ANKRD39: variants seen among roughly 807,000 people sequenced by gnomAD.
The protein encoded by ANKRD39 is ankyrin repeat domain 39, also known as ankyrin repeat domain-containing protein 39.
ANKRD39 carries 18 observed loss-of-function variants against 20.3 expected under a neutral mutation model. The ratio of observed to expected loss-of-function variants is 0.89; its 90% CI spans 0.61 to 1.32. ANKRD39 has a LOEUF of 1.32. Ranked by LOEUF, ANKRD39 falls within the 40% of genes most tolerant of loss-of-function variation. The pLI, the probability that ANKRD39 is intolerant of heterozygous loss-of-function variation, is 0.00. For missense variants in ANKRD39, 243 were observed against 250.7 expected, an observed-to-expected ratio of 0.97 and a Z score of 0.21; for synonymous variants, 106 against 111.9, an observed-to-expected ratio of 0.95 and a Z score of 0.33.
intron 1 of ANKRD39, among the ~76,000 whole-genome samples, chr2:96,854,923 C>G (rs963323564): frequency 3.3e-5 from 5 of 152,172 alleles, no homozygotes; most frequent in Admixed American, 2.0e-4. Context: ...CGTGCCCAGC[C>G]AGAAACAACT....
chr2:96,855,751 G>A (rs1305080850), intron 1 of ANKRD39, among the ~76,000 whole-genome samples: 1 of 151,578 alleles, frequency 6.6e-6, no homozygotes, highest in Non-Finnish European at 1.5e-5. Context: ...ATATTACTGT[G>A]CGGATCACGA....
chr2:96,854,769 G>A (rs1298935712), intron 1 of ANKRD39, among the ~76,000 whole-genome samples: 7 of 152,258 alleles, frequency 4.6e-5, no homozygotes, highest in African/African-American at 9.6e-5. Flanking sequence ...GATTACAGGC[G>A]CCCACCACCA....
intron 1 of ANKRD39, among the ~76,000 whole-genome samples, chr2:96,855,872 T>C (rs565780991): frequency 2.6e-4 from 40 of 151,392 alleles, no homozygotes; most frequent in Non-Finnish European, 5.2e-4. Context: ...CCCAGCTACT[T>C]GGGAGGCTGA....
intron 1 of ANKRD39, among the ~76,000 whole-genome samples, chr2:96,855,005 C>A (rs532734994): frequency 6.6e-6 from 1 of 152,324 alleles, no homozygotes; most frequent in Admixed American, 6.5e-5. Context: ...AGAGGATCTC[C>A]CTGGTGAGCA....
At chr2:96,854,983 ATC>A (rs2079855774) in intron 1 of ANKRD39, among the ~76,000 whole-genome samples, 1 of 152,220 alleles carries the variant, frequency 6.6e-6, no homozygotes, top group Non-Finnish European at 1.5e-5. Flanking sequence ...CAGTGTGACA[ATC>A]TCCCACAGAA....
intron 3 of ANKRD39, among the ~76,000 whole-genome samples, 178 bp downstream of exon 3, chr2:96,853,223 A>G (rs2079846520): frequency 1.3e-5 from 2 of 152,258 alleles, no homozygotes; most frequent in Non-Finnish European, 2.9e-5. Context: ...TTACACGCTC[A>G]GAAAAAAGGC....
In ANKRD39 at chr2:96,848,190, T is replaced by G; in HGVS notation, c.*111A>C. On this transcript the variant is annotated 3_prime_UTR_variant, in exon 4 of 4. Coordinates refer to ENST00000393537, the MANE Select transcript of ANKRD39 (RefSeq NM_016466.6). ...ACAGTGACCAGACTGGGGCTCTTCCTGGGTGGTCTGGCCTCAGTTCCCTGC... is the reference window on the plus strand; with the variant it reads ...ACAGTGACCAGACTGGGGCTCTTCCGGGGTGGTCTGGCCTCAGTTCCCTGC... 6.8e-6 allele frequency: 10 copies of G among 1,475,616 alleles called. No homozygotes were observed. The highest frequency in any genetic ancestry group is 9.2e-6 in the Non-Finnish European group (10 of 1,086,308). 91.4% of individuals were successfully genotyped at this position (1,475,616 alleles called of 1,614,324 possible).
At chr2:96,856,729 G>A (rs143528604) in intron 1 of ANKRD39, among the ~76,000 whole-genome samples, 2 of 152,322 alleles carry the variant, frequency 1.3e-5, no homozygotes, top group African/African-American at 4.8e-5. Context: ...ACTGCCCCCA[G>A]TTGAGAACTG....
chr2:96,850,528 G>T (rs1365219147), intron 3 of ANKRD39, among the ~76,000 whole-genome samples: 4 of 152,022 alleles, frequency 2.6e-5, no homozygotes, highest in Admixed American at 2.6e-4. Flanking sequence ...AGCCAGGCGT[G>T]GTGGTGCGTG....
At chr2:96,848,571 A>C in intron 3 of ANKRD39, 127 bp from the exon 4 acceptor site, 2 of 1,259,952 alleles carry the variant, frequency 1.6e-6, no homozygotes, top group South Asian at 3.0e-5. Flanking sequence ...TCACGCCTGT[A>C]ATCTCAGCAC....
chr2:96,850,051 G>A (rs891009784), intron 3 of ANKRD39, among the ~76,000 whole-genome samples: 4 of 152,206 alleles, frequency 2.6e-5, no homozygotes, highest in Admixed American at 1.3e-4. Flanking sequence ...CAGGGCTAAC[G>A]TGTCCACCTG....
chr2:96,853,255 TA>T, intron 3 of ANKRD39, 145 bp downstream of exon 3: 1 of 1,031,190 alleles, frequency 9.7e-7, no homozygotes, highest in Non-Finnish European at 1.4e-6. Flanking sequence ...CCATTAGTCC[TA>T]AAGTGATGAC....
rs1209274786 is a variant in ANKRD39, at chr2:96,857,974, C to T, written c.14G>A (p.Arg5Gln). The T allele has an allele frequency of 1.9e-6, 3 of 1,541,984 alleles. No homozygotes were observed. The highest frequency in any genetic ancestry group is 2.6e-6 in the Non-Finnish European group (3 of 1,151,736). MATP[R>Q]PCADGPCCSH... ...GCAGCAGGGCCCGTCCGCGCAGGGC[C>T]GAGGCGTCGCCATCCCGGCCCCGGC... Residue 5 changes from arginine to glutamine, a missense_variant, in exon 1 of 4, where the codon CGG (arginine) becomes CAG (glutamine). Arg to Gln is a conservative substitution (Grantham distance 43, BLOSUM62 1). Coordinates refer to ENST00000393537, the MANE Select transcript of ANKRD39 (RefSeq NM_016466.6).
chr2:96,851,095 G>A (rs759714792), intron 3 of ANKRD39, among the ~76,000 whole-genome samples: 14 of 152,136 alleles, frequency 9.2e-5, no homozygotes, highest in Non-Finnish European at 1.8e-4. Context: ...CTGGATTCAA[G>A]CGATTCTCGT....
chr2:96,849,706 G>GT (rs1194913482), intron 3 of ANKRD39, among the ~76,000 whole-genome samples: 2 of 152,100 alleles, frequency 1.3e-5, no homozygotes, highest in Non-Finnish European at 2.9e-5. Context: ...GCCCAGGCTG[G>GT]TCTCGAGCTC....
chr2:96,848,259 G>A lies in ANKRD39; in HGVS notation c.*42C>T. 6.2e-7 allele frequency: 1 copy of A among 1,610,134 alleles called. No homozygotes were observed. On this transcript the variant is annotated 3_prime_UTR_variant, in exon 4 of 4. Transcript: ENST00000393537. ...ACCAAGGCAGGGGCTTGGAGAACTG[G>A]TCTGTGTACCCTTTAAAGGCAGCTG... is the stretch of plus-strand genomic sequence containing the variant.
chr2:96,852,386 C>CAAAAAAA (rs1232527949), intron 3 of ANKRD39, among the ~76,000 whole-genome samples: 1 of 45,682 alleles, frequency 2.2e-5, no homozygotes, highest in African/African-American at 7.9e-5. Flanking sequence ...GACCCTGTCT[C>CAAAAAAA]AAAAAAAAAA....
Position 96,848,413 on chromosome 2 carries a change from G to A in ANKRD39, c.440C>T (p.Ser147Phe), listed in dbSNP as rs762188362. The A allele has an allele frequency of 2.5e-6, 4 of 1,614,074 alleles. No homozygotes were observed. The highest frequency in any genetic ancestry group is 2.5e-6 in the Non-Finnish European group (3 of 1,180,046). The change falls in exon 4 of 4, where the codon TCC becomes TTC. Residue 147 changes from serine (S) to phenylalanine (F), a missense_variant. Ser to Phe is a radical substitution (Grantham distance 155, BLOSUM62 -2). Coordinates refer to ENST00000393537, the MANE Select transcript of ANKRD39 (RefSeq NM_016466.6). ...GGCTGGGCTGTGTTGCAGGAGGAGG[G>A]AGCAGATGTCCCCGTGACCCCTCTC... The part of the protein sequence containing the change: ...AAERGHGDIC[S>F]LLLQHSPALK...
chr2:96,853,410 A>G lies in ANKRD39; in HGVS notation c.399T>C (p.Ser133=). 6.3e-7 allele frequency: 1 copy of G among 1,577,142 alleles called. No homozygotes were observed. Among genetic ancestry groups the G allele is most frequent in the Non-Finnish European group, 8.6e-7 (1 of 1,161,474 alleles). Residue 133 remains serine, a synonymous_variant, in exon 3 of 4, where the codon AGT becomes AGC. Transcript: ENST00000393537. ...GGGGGAACGGGCCCACCTTATGCAG[A>G]CTGGTCATGCCGTCGTCATCCACCA... ...PRVVDDDGMT[S]LHKAAERGHG...
Sources: gnomAD v4.1 joint callset for allele counts (sites outside exome capture counted in the v4.1 genomes callset) on GRCh38, gnomAD v4.1.1 for gene constraint, MANE v1.5 for transcripts, NCBI Gene and HGNC (gene_info 2026-07-23, HGNC 2026-07-21) for gene names.